FBRSL1: variants seen among roughly 807,000 people sequenced by gnomAD.
The protein encoded by FBRSL1 is fibrosin like 1.
FBRSL1 carries 51 observed loss-of-function variants against 89.6 expected under a neutral mutation model. The observed-to-expected ratio is 0.57, with a 90% CI of 0.45 to 0.72. The LOEUF (loss-of-function observed/expected upper bound fraction) is 0.72, where lower values mean the gene tolerates loss of function less well. Among genes scored for constraint, FBRSL1 ranks in the 30% least tolerant of loss-of-function variants. The pLI is 0.00. For missense variants in FBRSL1, 1,618 were observed against 1,451.8 expected, an observed-to-expected ratio of 1.11 and a Z score of -1.86; for synonymous variants, 779 against 681.1, an observed-to-expected ratio of 1.14 and a Z score of -2.24.
rs991516465 is a variant in FBRSL1, at chr12:132,583,816, C to G, written c.*38C>G. The G allele has an allele frequency of 8.9e-7, 1 of 1,123,382 alleles. No homozygotes were observed. Among genetic ancestry groups the G allele is most frequent in the South Asian group, 4.4e-5 (1 of 22,498 alleles). The allele number at this position is 1,123,382 out of a possible 1,614,324, so 69.6% of individuals were successfully genotyped here. Reference sequence around the variant, plus strand: ...AGACGCCTCTCCGAGCGGAGCGCACCGCTGTCCGTCTCTCCATCAGTTCCT... The same window carrying G: ...AGACGCCTCTCCGAGCGGAGCGCACGGCTGTCCGTCTCTCCATCAGTTCCT... On this transcript the variant is annotated 3_prime_UTR_variant, in exon 19 of 19. Coordinates refer to ENST00000680143, the MANE Select transcript of FBRSL1 (RefSeq NM_001367871.1).
At chr12:132,513,357 G>A (rs2034541829) in intron 2 of FBRSL1, among the ~76,000 whole-genome samples, 1 of 152,100 alleles carries the variant, frequency 6.6e-6, no homozygotes, top group Non-Finnish European at 1.5e-5. Context: ...ATGGGCTTGT[G>A]TCCTGGCTGC....
At chr12:132,522,959 C>T (rs1015864636) in intron 2 of FBRSL1, among the ~76,000 whole-genome samples, 3 of 152,232 alleles carry the variant, frequency 2.0e-5, no homozygotes, top group Non-Finnish European at 4.4e-5. Context: ...CGGCTCTGCT[C>T]ACTGCCCAGA....
chr12:132,533,809 G>A (rs117259044), intron 4 of FBRSL1, among the ~76,000 whole-genome samples: 4,626 of 152,374 alleles, frequency 0.03, 86 homozygotes, highest in Non-Finnish European at 0.047. Context: ...CCCCCAGGGA[G>A]CTGCCATTCC....
intron 2 of FBRSL1, among the ~76,000 whole-genome samples, chr12:132,514,700 G>A (rs2034677000): frequency 6.6e-6 from 1 of 152,190 alleles, no homozygotes; most frequent in Non-Finnish European, 1.5e-5. Flanking sequence ...GCTCCCTGGT[G>A]TACCCTGGGA....
chr12:132,512,079 C>A, intron 2 of FBRSL1: 1 of 914,458 alleles, frequency 1.1e-6, no homozygotes, highest in Non-Finnish European at 1.3e-6. Flanking sequence ...AGACCTGGAG[C>A]ATCTGTTCCT....
rs1048578605 is a variant in FBRSL1 at position 132,546,057 on chromosome 12, C to T, written c.616-1946C>T. Among the ~76,000 whole-genome samples the T allele has an allele frequency of 6.6e-6, 1 of 152,238 alleles. No homozygotes were observed. Among genetic ancestry groups the T allele is most frequent in the Non-Finnish European group, 1.5e-5 (1 of 68,046 alleles). Reference sequence around the variant, plus strand: ...GCACAGTCTCGGCTCCTGCTTTGCCCTCTTCCGGTCCCCTCAGCCCTGGCG... The same window carrying T: ...GCACAGTCTCGGCTCCTGCTTTGCCTTCTTCCGGTCCCCTCAGCCCTGGCG... On this transcript the variant is annotated intron_variant, in intron 4 of 18. Coordinates refer to ENST00000680143, the MANE Select transcript of FBRSL1 (RefSeq NM_001367871.1). This position sits in a 1 kb window ranked among gnomAD's most constrained non-coding sequence, Gnocchi z 4.0.
At chr12:132,496,352 C>T (rs1052096812) in intron 1 of FBRSL1, among the ~76,000 whole-genome samples, 10 of 152,254 alleles carry the variant, frequency 6.6e-5, no homozygotes, top group African/African-American at 2.4e-4. Flanking sequence ...GCCCTGCTGT[C>T]TGTGGCTGGC....
At chr12:132,500,796 G>A (rs974017917) in intron 1 of FBRSL1, among the ~76,000 whole-genome samples, 3 of 152,140 alleles carry the variant, frequency 2.0e-5, no homozygotes, top group African/African-American at 2.4e-5. Context: ...AACAGTCTGT[G>A]TCCTCACAGG....
At chr12:132,519,191 G>A (rs143384197) in intron 2 of FBRSL1, among the ~76,000 whole-genome samples, 14 of 152,240 alleles carry the variant, frequency 9.2e-5, no homozygotes, top group Admixed American at 4.6e-4. Context: ...AGACAGCCCC[G>A]CCCACTGGAT....
At chr12:132,575,449 A>G (rs988493333) in intron 14 of FBRSL1, among the ~76,000 whole-genome samples, 1 of 152,050 alleles carries the variant, frequency 6.6e-6, no homozygotes, top group Admixed American at 6.5e-5. Flanking sequence ...GGATGGTCTC[A>G]ATCTCTTGGC....
At position 132,532,357 on chromosome 12, in the gene FBRSL1, A is replaced by G. The variant is rs183118374; in HGVS notation, c.615+4369A>G. Reference sequence around the variant, plus strand: ...GAGCTGAGACCCTCAGACCTCCCTCACCACTCGGCCATGCCCACCCAGAAT... The same window carrying G: ...GAGCTGAGACCCTCAGACCTCCCTCGCCACTCGGCCATGCCCACCCAGAAT... On this transcript the variant is annotated intron_variant, in intron 4 of 18. Coordinates refer to ENST00000680143, the MANE Select transcript of FBRSL1 (RefSeq NM_001367871.1). Among the ~76,000 whole-genome samples, 44 of 152,126 alleles carry G rather than the reference A, an allele frequency of 2.9e-4. No homozygotes were observed. The East Asian group carries it at 6.8e-3, about 23-fold the overall frequency.
intron 4 of FBRSL1, among the ~76,000 whole-genome samples, chr12:132,543,875 G>C (rs1172121549): frequency 6.6e-6 from 1 of 152,224 alleles, no homozygotes; most frequent in African/African-American, 2.4e-5. Flanking sequence ...TGGAGGTGGG[G>C]CAGATAGAGC....
chr12:132,490,872 G>A lies in FBRSL1; in HGVS notation c.291+11G>A. The A allele has an allele frequency of 8.0e-7, 1 of 1,244,962 alleles. No individual in the cohort carries two copies. Among genetic ancestry groups the A allele is most frequent in the Admixed American group, 3.5e-5 (1 of 28,796 alleles). 77.1% of individuals were successfully genotyped at this position (1,244,962 alleles called of 1,614,324 possible). A position where few individuals can be genotyped will look rare whatever the true frequency, so the allele number is the denominator to read the frequency against. Reference sequence around the variant, plus strand: ...CTGGAGGCCCTGGAGGTAGGTGGACGGGTGCGGCTTCGCAGGCGTTGAGGC... The same window carrying A: ...CTGGAGGCCCTGGAGGTAGGTGGACAGGTGCGGCTTCGCAGGCGTTGAGGC... On this transcript the variant is annotated intron_variant, in intron 1 of 18. Coordinates refer to ENST00000680143, the MANE Select transcript of FBRSL1 (RefSeq NM_001367871.1).
chr12:132,513,322 A>C (rs2034538918), intron 2 of FBRSL1, among the ~76,000 whole-genome samples: 1 of 151,814 alleles, frequency 6.6e-6, no homozygotes. Flanking sequence ...GTTGGTACTC[A>C]GTGGGGCTGC....
intron 18 of FBRSL1, 26 bp downstream of exon 18, chr12:132,582,292 C>T (rs1324429887): frequency 2.5e-5 from 39 of 1,539,580 alleles, no homozygotes; most frequent in African/African-American, 8.3e-5. Context: ...GTTCCGTATC[C>T]CCACCACACA....
intron 4 of FBRSL1, among the ~76,000 whole-genome samples, chr12:132,539,071 G>A (rs147335168): frequency 2.6e-5 from 4 of 151,910 alleles, no homozygotes; most frequent in East Asian, 2.0e-4. Context: ...TTCCCCATCC[G>A]GCAGCAGGTG....
At chr12:132,512,084 G>T (rs985354097) in intron 2 of FBRSL1, 38 of 891,396 alleles carry the variant, frequency 4.3e-5, no homozygotes, top group Non-Finnish European at 5.0e-5. Context: ...TGGAGCATCT[G>T]TTCCTGACCT....
chr12:132,507,556 G>A (rs1315369263), intron 1 of FBRSL1, among the ~76,000 whole-genome samples: 1 of 152,154 alleles, frequency 6.6e-6, no homozygotes, highest in Admixed American at 6.5e-5. Flanking sequence ...AGGCCAGCAG[G>A]TTTACAGGGG....
chr12:132,504,769 T>C (rs959439591), intron 1 of FBRSL1, among the ~76,000 whole-genome samples: 3 of 152,144 alleles, frequency 2.0e-5, no homozygotes, highest in Admixed American at 2.0e-4. Flanking sequence ...GTGTCTCTTG[T>C]GTCTTCATTC....
Sources: gnomAD v4.1 joint callset for allele counts (sites outside exome capture counted in the v4.1 genomes callset) on GRCh38, gnomAD v4.1.1 for gene constraint, Gnocchi (gnomAD v3.1) non-coding constraint, MANE v1.5 for transcripts, NCBI Gene and HGNC (gene_info 2026-07-23, HGNC 2026-07-21) for gene names.